The following EHBP1 variants were observed in gnomAD, a reference collection of about 807,000 sequenced individuals.
EHBP1 encodes the protein EH domain-binding protein 1.
In EHBP1, 55 loss-of-function variants were observed where a neutral mutation model predicts 144.0. The observed-to-expected ratio is 0.38, with a 90% CI of 0.31 to 0.48. EHBP1 has a LOEUF of 0.48. Among genes scored for constraint, EHBP1 ranks in the 20% least tolerant of loss-of-function variants. The pLI, the probability that EHBP1 is intolerant of heterozygous loss-of-function variation, is 0.98. For synonymous variants in EHBP1, 469 were observed against 472.7 expected (o/e 0.99, Z 0.10); for missense variants, 1,200 against 1,364.2 (o/e 0.88, Z 1.90).
chr2:62,720,944 G>T (rs1002785320), intron 2 of EHBP1, among the ~76,000 whole-genome samples: 2 of 152,088 alleles, frequency 1.3e-5, no homozygotes, highest in East Asian at 3.8e-4. Context: ...ACATCACCCA[G>T]CTTTTTTTGG....
At position 62,823,045 on chromosome 2, in the gene EHBP1, T is replaced by G. The variant is rs113404034; in HGVS notation, c.313-3042T>G. ...TCAGAATTGCCTGGTAGTAGTGGTG[T>G]GTATGTGTGGAGGGGGGATATTACT... is the stretch of plus-strand genomic sequence containing the variant. On this transcript the variant is annotated intron_variant, in intron 5 of 22. Coordinates refer to ENST00000431489, the MANE Select transcript of EHBP1 (RefSeq NM_001142616.3). Among the ~76,000 whole-genome samples the G allele has an allele frequency of 7.2e-5, 11 of 152,232 alleles. 2 individuals carry two copies. Among genetic ancestry groups the G allele is most frequent in the African/African-American group, 2.6e-4 (11 of 41,578 alleles).
chr2:62,927,599 A>G (rs1279780632), intron 10 of EHBP1, among the ~76,000 whole-genome samples: 3 of 152,214 alleles, frequency 2.0e-5, no homozygotes, highest in Non-Finnish European at 4.4e-5. Flanking sequence ...CTAATAACTG[A>G]CCATCAAAAT....
At chr2:62,833,671 C>T (rs1471690552) in intron 7 of EHBP1, among the ~76,000 whole-genome samples, 1 of 152,188 alleles carries the variant, frequency 6.6e-6, no homozygotes, top group East Asian at 1.9e-4. Context: ...TACCTGGTTG[C>T]CCAAGAGCTG....
At position 62,942,958 on chromosome 2, in the gene EHBP1, A is replaced by T. The variant is rs544316289; in HGVS notation, c.1364+62A>T. 1.4e-4 allele frequency: 180 copies of T among 1,245,524 alleles called. 1 individual carries two copies. The East Asian group carries it at 3.7e-3, about 26-fold the overall frequency. 77.2% of individuals were successfully genotyped at this position (1,245,524 alleles called of 1,614,324 possible). A position where few individuals can be genotyped will look rare whatever the true frequency, so the allele number is the denominator to read the frequency against. On this transcript the variant is annotated intron_variant, in intron 11 of 22. Coordinates refer to ENST00000431489, the MANE Select transcript of EHBP1 (RefSeq NM_001142616.3). ...AGTGATAGACATTTTTGAAAAGAAC[A>T]TAAAATAATTTCTTAGCACATCCTG...
At position 62,955,606 on chromosome 2, in the gene EHBP1, G is replaced by C; in HGVS notation, c.2406G>C (p.Gly802=). ...QARRDAALKA[G]NKHNTNTATP... The stretch of plus-strand genomic sequence containing the variant: ...GAAGAGATGCAGCCTTAAAGGCGGG[G>C]AATAAGCACAATACCAACACAGCCA... Residue 802 remains glycine (G), a synonymous_variant, in exon 14 of 23, where the codon GGG becomes GGC. Coordinates refer to ENST00000431489, the MANE Select transcript of EHBP1 (RefSeq NM_001142616.3). 1 of 1,612,458 alleles carries C rather than the reference G, an allele frequency of 6.2e-7. No homozygotes were observed. The highest frequency in any genetic ancestry group is 1.1e-5 in the South Asian group (1 of 90,804).
At chr2:62,766,120 T>C (rs1282465959) in intron 4 of EHBP1, among the ~76,000 whole-genome samples, 2 of 152,176 alleles carry the variant, frequency 1.3e-5, no homozygotes, top group Admixed American at 6.6e-5. Context: ...CTCAGCCAGC[T>C]GCCATGCTAT....
At chr2:63,043,749 C>T (rs910922105) in intron 21 of EHBP1, among the ~76,000 whole-genome samples, 50 of 151,748 alleles carry the variant, frequency 3.3e-4, no homozygotes, top group Admixed American at 1.8e-3. Context: ...TGGTAACCAG[C>T]GGTGTGCATT....
chr2:62,994,580 G>A (rs931722432), intron 18 of EHBP1, among the ~76,000 whole-genome samples: 4 of 152,024 alleles, frequency 2.6e-5, no homozygotes, highest in East Asian at 1.9e-4. Flanking sequence ...GGACAGCTGC[G>A]GGACAGAAGC....
chr2:62,758,011 CAA>C (rs879511679), intron 3 of EHBP1, among the ~76,000 whole-genome samples: 28 of 87,472 alleles, frequency 3.2e-4, no homozygotes, highest in Admixed American at 8.8e-4. Context: ...GACTCTGTCT[CAA>C]AAAAAAAAAA....
intron 3 of EHBP1, among the ~76,000 whole-genome samples, chr2:62,762,994 G>A (rs1558628930): frequency 6.6e-6 from 1 of 151,890 alleles, no homozygotes; most frequent in Non-Finnish European, 1.5e-5. Flanking sequence ...CTATCCTCTT[G>A]ACCACTCTGT....
chr2:63,012,646 A>G (rs1385793003), intron 19 of EHBP1, among the ~76,000 whole-genome samples: 4 of 152,182 alleles, frequency 2.6e-5, no homozygotes, highest in Non-Finnish European at 5.9e-5. Flanking sequence ...TTTCAGAGGC[A>G]CTAATGTCCA....
chr2:63,014,534 A>G (rs535075048), intron 19 of EHBP1, among the ~76,000 whole-genome samples: 1 of 152,336 alleles, frequency 6.6e-6, no homozygotes, highest in Non-Finnish European at 1.5e-5. Context: ...TTATGTATTT[A>G]TAAGGAACAT....
At chr2:62,856,472 T>C (rs963203173) in intron 7 of EHBP1, among the ~76,000 whole-genome samples, 1 of 152,226 alleles carries the variant, frequency 6.6e-6, no homozygotes, top group Non-Finnish European at 1.5e-5. Context: ...CTGCAGCAGC[T>C]GGTGTGTCTG....
chr2:62,876,991 A>G (rs552827448), intron 10 of EHBP1, among the ~76,000 whole-genome samples: 36 of 152,356 alleles, frequency 2.4e-4, no homozygotes, highest in Non-Finnish European at 3.7e-4. Context: ...CCAAATCCAC[A>G]TATGACAATA....
intron 2 of EHBP1, among the ~76,000 whole-genome samples, chr2:62,745,951 G>A (rs901229372): frequency 6.6e-6 from 1 of 152,006 alleles, no homozygotes; most frequent in African/African-American, 2.4e-5. Context: ...TGATAAACAA[G>A]GAAAAACTGT....
chr2:62,823,860 A>G (rs2046159377), intron 5 of EHBP1, among the ~76,000 whole-genome samples: 1 of 151,994 alleles, frequency 6.6e-6, no homozygotes, highest in Admixed American at 6.6e-5. Context: ...GTCCTGTGTT[A>G]ATTAGTATTG....
intron 10 of EHBP1, among the ~76,000 whole-genome samples, chr2:62,914,014 A>G (rs2054418981): frequency 6.6e-6 from 1 of 152,180 alleles, no homozygotes; most frequent in Admixed American, 6.5e-5. Flanking sequence ...GCTAATAATG[A>G]GGTAATTTGG....
chr2:62,858,460 G>T, intron 7 of EHBP1: 1 of 1,611,814 alleles, frequency 6.2e-7, no homozygotes. Flanking sequence ...CAAGATGACT[G>T]CATAAAGCAA....
At chr2:62,807,202 A>G (rs1380930001) in intron 5 of EHBP1, among the ~76,000 whole-genome samples, 2 of 152,250 alleles carry the variant, frequency 1.3e-5, no homozygotes, top group African/African-American at 4.8e-5. Context: ...TGATCTATAC[A>G]GTGTTGCAAT....
Sources: gnomAD v4.1 joint callset for allele counts (sites outside exome capture counted in the v4.1 genomes callset) on GRCh38, gnomAD v4.1.1 for gene constraint, MANE v1.5 for transcripts, NCBI Gene and HGNC (gene_info 2026-07-23, HGNC 2026-07-21) for gene names.